The following KAZN variants were observed in gnomAD, a reference collection of about 807,000 sequenced individuals.
KAZN encodes the protein kazrin.
A neutral mutation model predicts 87.4 loss-of-function variants in KAZN; 40 were observed. That is an observed-to-expected ratio of 0.46 (90% confidence interval 0.36 to 0.60). The LOEUF (loss-of-function observed/expected upper bound fraction) is 0.60. Among genes scored for constraint, KAZN ranks in the 20% least tolerant of loss-of-function variants. The pLI is 0.00. For missense variants in KAZN, 898 were observed against 1,073.9 expected (o/e 0.84, Z 2.29); for synonymous variants, 466 against 458.3 (o/e 1.02, Z -0.22).
At chr1:14,083,986 C>T (rs1032027179) in intron 1 of KAZN, among the ~76,000 whole-genome samples, 7 of 152,178 alleles carry the variant, frequency 4.6e-5, no homozygotes, top group African/African-American at 9.7e-5. Context: ...AGCAGACAGA[C>T]GTTAATCAAA....
At chr1:13,907,212 C>A (rs1438260649) in intron 1 of KAZN, among the ~76,000 whole-genome samples, 1 of 152,162 alleles carries the variant, frequency 6.6e-6, no homozygotes, top group Non-Finnish European at 1.5e-5. Flanking sequence ...TCTTCCAGCA[C>A]CACAGGGCAC....
chr1:15,027,935 G>A (rs1335137716), intron 2 of KAZN, among the ~76,000 whole-genome samples: 4 of 152,252 alleles, frequency 2.6e-5, no homozygotes, highest in Non-Finnish European at 5.9e-5. Context: ...TCTGTGGTGG[G>A]AGCTTGAGGA....
At chr1:14,854,660 G>A (rs1198921182) in intron 1 of KAZN, among the ~76,000 whole-genome samples, 2 of 152,048 alleles carry the variant, frequency 1.3e-5, no homozygotes, top group African/African-American at 2.4e-5. Context: ...CATGAGTATG[G>A]CAGGCATTAG....
At chr1:15,080,744 C>T (rs1310550430) in intron 8 of KAZN, among the ~76,000 whole-genome samples, 1 of 152,222 alleles carries the variant, frequency 6.6e-6, no homozygotes, top group African/African-American at 2.4e-5. Context: ...TTCCCAAGGG[C>T]AGGGAGTGTT....
chr1:14,421,013 C>T (rs1047299871), intron 2 of KAZN, among the ~76,000 whole-genome samples: 13 of 152,090 alleles, frequency 8.5e-5, no homozygotes, highest in African/African-American at 2.2e-4. Flanking sequence ...TCCTCAAGCG[C>T]GGCCAGAGTG....
Position 13,893,691 on chromosome 1 carries a change from A to T in KAZN, c.26A>T (p.Asn9Ile), listed in dbSNP as rs1358577. The T allele has an allele frequency of 3.2e-6, 5 of 1,550,068 alleles. No individual in the cohort carries two copies. In the African/African-American group the frequency reaches 4.1e-5, roughly 13 times the overall value. The change falls in exon 1 of 17, where the codon AAT (asparagine) becomes ATT (isoleucine). Residue 9 changes from asparagine (N) to isoleucine (I), a missense_variant. By Grantham distance (149) the Asn-to-Ile change is moderately radical. Transcript: ENST00000636203. ...ATGGAATCCACGCTGGCGACATCCA[A>T]TTCTGCCACAGGCCCCGTCACCTTC...
intron 1 of KAZN, among the ~76,000 whole-genome samples, chr1:14,108,954 A>T (rs866502557): frequency 6.6e-6 from 1 of 152,160 alleles, no homozygotes; most frequent in Non-Finnish European, 1.5e-5. Context: ...AGATGCTTTT[A>T]AAAAATCGTG....
intron 1 of KAZN, among the ~76,000 whole-genome samples, chr1:14,931,389 T>C (rs1659804924): frequency 6.6e-6 from 1 of 151,982 alleles, no homozygotes; most frequent in East Asian, 1.9e-4. Flanking sequence ...GCAGAGGTTA[T>C]AGTGAGCTAA....
At chr1:14,409,004 A>T (rs1557698151) in intron 2 of KAZN, among the ~76,000 whole-genome samples, 1 of 152,194 alleles carries the variant, frequency 6.6e-6, no homozygotes, top group Admixed American at 6.5e-5. Flanking sequence ...AACTATGGGA[A>T]AACATTCCAG....
intron 2 of KAZN, among the ~76,000 whole-genome samples, chr1:14,314,225 G>A (rs1655495323): frequency 6.6e-6 from 1 of 152,152 alleles, no homozygotes; most frequent in Non-Finnish European, 1.5e-5. Flanking sequence ...GTAGAAAAAG[G>A]GAGTGAGCTC....
intron 4 of KAZN, among the ~76,000 whole-genome samples, chr1:15,050,810 C>T (rs927865677): frequency 7.4e-6 from 1 of 135,490 alleles, no homozygotes; most frequent in Admixed American, 7.1e-5. Flanking sequence ...AGGAGCCTCC[C>T]CTCCACAGCC....
intron 1 of KAZN, among the ~76,000 whole-genome samples, chr1:14,625,084 G>A (rs959978165): frequency 6.6e-6 from 1 of 152,104 alleles, no homozygotes; most frequent in African/African-American, 2.4e-5. Context: ...AGCTCATCCT[G>A]TGTCCCCTGG....
chr1:14,891,320 T>TTA (rs369350951), intron 1 of KAZN, among the ~76,000 whole-genome samples: 22 of 152,238 alleles, frequency 1.4e-4, no homozygotes, highest in African/African-American at 5.3e-4. Flanking sequence ...TTCCCACCCT[T>TTA]TACCCTGAGT....
At chr1:14,536,413 C>G (rs1005630059) in intron 2 of KAZN, among the ~76,000 whole-genome samples, 2 of 152,174 alleles carry the variant, frequency 1.3e-5, no homozygotes, top group African/African-American at 2.4e-5. Context: ...CTGTGATCCA[C>G]TCTTTGAGAA....
intron 2 of KAZN, among the ~76,000 whole-genome samples, chr1:14,414,344 GAAAAA>G (rs5772578): frequency 1.9e-5 from 2 of 107,844 alleles, no homozygotes; most frequent in Non-Finnish European, 3.8e-5. Context: ...TTTGTCATAG[GAAAAA>G]AAAAAAAAAA....
At chr1:14,326,198 C>T (rs572356032) in intron 2 of KAZN, among the ~76,000 whole-genome samples, 50 of 152,164 alleles carry the variant, frequency 3.3e-4, no homozygotes, top group African/African-American at 1.2e-3. Context: ...CTGCCCCCTA[C>T]CCCCGCCCCA....
At chr1:14,544,350 C>CT (rs374148415) in intron 2 of KAZN, among the ~76,000 whole-genome samples, 22,814 of 98,584 alleles carry the variant, frequency 0.23, 2,398 homozygotes, top group Middle Eastern at 0.36. Context: ...TTCTTTCTTT[C>CT]TTTTTTTTTT....
At chr1:14,636,558 T>C (rs2148667574) in intron 1 of KAZN, among the ~76,000 whole-genome samples, 1 of 152,340 alleles carries the variant, frequency 6.6e-6, no homozygotes, top group East Asian at 1.9e-4. Flanking sequence ...AGCACTGCTC[T>C]GGACACATCT....
At chr1:15,060,101 A>G in intron 5 of KAZN, 71 bp from the exon 6 acceptor site, 1 of 1,585,134 alleles carries the variant, frequency 6.3e-7, no homozygotes. Flanking sequence ...GTTGGGTGGA[A>G]TAACCGCCAA....
Sources: gnomAD v4.1 joint callset for allele counts (sites outside exome capture counted in the v4.1 genomes callset) on GRCh38, gnomAD v4.1.1 for gene constraint, MANE v1.5 for transcripts, NCBI Gene and HGNC (gene_info 2026-07-23, HGNC 2026-07-21) for gene names.